SH2D2A: variants seen among roughly 807,000 people sequenced by gnomAD.
SH2D2A encodes SH2 domain-containing protein 2A.
In SH2D2A, 33 loss-of-function variants were observed where a neutral mutation model predicts 43.6. The ratio of observed to expected loss-of-function variants is 0.76; its 90% CI spans 0.57 to 1.01. SH2D2A has a LOEUF of 1.01. Among genes scored for constraint, SH2D2A ranks in the 50% least tolerant of loss-of-function variants. The pLI, the probability that SH2D2A is intolerant of heterozygous loss-of-function variation, is 0.00. For synonymous variants in SH2D2A, 212 were observed against 206.1 expected, an observed-to-expected ratio of 1.03 and a Z score of -0.25; for missense variants, 491 against 503.1, an observed-to-expected ratio of 0.98 and a Z score of 0.23.
Position 156,816,759 on chromosome 1 carries a change from G to C in SH2D2A, c.-51C>G, listed in dbSNP as rs755345756. 73 of 1,529,168 alleles carry C rather than the reference G, an allele frequency of 4.8e-5. No individual in the cohort carries two copies. The highest frequency in any genetic ancestry group is 6.1e-5 in the Non-Finnish European group (69 of 1,135,436). The allele number at this position is 1,529,168 out of a possible 1,614,324, so 94.7% of individuals were successfully genotyped here. A position where few individuals can be genotyped will look rare whatever the true frequency, so the allele number is the denominator to read the frequency against. On this transcript the variant is annotated 5_prime_UTR_variant, in exon 1 of 9. Coordinates refer to ENST00000368199, the MANE Select transcript of SH2D2A (RefSeq NM_003975.4). ...GAGCAGGGTGTGTGTATGTGTTCCG[G>C]AAAGGTGTGCACACTCAGCAACTCA...
chr1:156,814,138 T>C, intron 4 of SH2D2A, 67 bp downstream of exon 4: 1 of 1,595,950 alleles, frequency 6.3e-7, no homozygotes, highest in Non-Finnish European at 8.5e-7. Context: ...CCTCACGGGA[T>C]CAGACCCAAG....
At position 156,809,761 on chromosome 1, in the gene SH2D2A, A is replaced by G; in HGVS notation, c.614T>C (p.Phe205Ser). The G allele has an allele frequency of 6.2e-7, 1 of 1,613,794 alleles. No individual in the cohort carries two copies. The highest frequency in any genetic ancestry group is 8.5e-7 in the Non-Finnish European group (1 of 1,179,966). ...GTTTGGGTCCTGGCTTTTGCTTCCA[A>G]AGTTTGATTCTTCGGTCCTCAGGGA... is the stretch of plus-strand genomic sequence containing the variant. ...GLSLRTEESNFGSKSQDPNPQ... is the reference protein window; with the variant it reads ...GLSLRTEESNSGSKSQDPNPQ... Residue 205 changes from phenylalanine (F) to serine (S), a missense_variant, in exon 6 of 9, where the codon TTT (phenylalanine) becomes TCT (serine). Coordinates refer to ENST00000368199, the MANE Select transcript of SH2D2A (RefSeq NM_003975.4). The surrounding 1 kb of genome is among the most constrained non-coding windows in gnomAD (Gnocchi z 4.8).
intron 2 of SH2D2A, chr1:156,815,694 G>A (rs1244269170): frequency 9.2e-6 from 9 of 982,064 alleles, no homozygotes; most frequent in Admixed American, 1.7e-5. Context: ...GGAATGCACT[G>A]GGCAAATGGT....
rs763226014 is a variant in SH2D2A, at chr1:156,815,807, G to T, written c.123+199C>A. 1.9e-6 allele frequency: 3 copies of T among 1,614,126 alleles called. No homozygotes were observed. In the East Asian group the frequency reaches 6.7e-5, roughly 36 times the overall value. On this transcript the variant is annotated intron_variant, in intron 2 of 8. Transcript: ENST00000368199. ...TTCCAGAGGGCCTAGGAGCAGTAAGGGAGTGAGTGGGCAACTCGGCGCATG... is the reference window on the plus strand; with the variant it reads ...TTCCAGAGGGCCTAGGAGCAGTAAGTGAGTGAGTGGGCAACTCGGCGCATG...
chr1:156,811,771 T>C (rs1034724818), intron 5 of SH2D2A, among the ~76,000 whole-genome samples: 1 of 152,066 alleles, frequency 6.6e-6, no homozygotes, highest in Admixed American at 6.6e-5. Context: ...CTGAGCGCTC[T>C]GCTCTGTTTT....
chr1:156,813,151 G>C (rs114722191), intron 5 of SH2D2A, among the ~76,000 whole-genome samples: 1 of 152,132 alleles, frequency 6.6e-6, no homozygotes. Flanking sequence ...TAAGTACTCC[G>C]TAAGTATCTC....
intron 7 of SH2D2A, among the ~76,000 whole-genome samples, chr1:156,808,908 T>C (rs1219440229): frequency 1.3e-5 from 2 of 152,114 alleles, no homozygotes; most frequent in African/African-American, 4.8e-5. Context: ...CAAAAAAGCC[T>C]CGATGTGGGA....
At chr1:156,812,814 C>T (rs1047147531) in intron 5 of SH2D2A, among the ~76,000 whole-genome samples, 4 of 152,132 alleles carry the variant, frequency 2.6e-5, no homozygotes, top group African/African-American at 9.7e-5. Context: ...TGCTTGTTAT[C>T]CATATTACTC....
intron 4 of SH2D2A, 84 bp downstream of exon 4, chr1:156,814,121 C>A: frequency 3.2e-6 from 5 of 1,563,102 alleles, no homozygotes; most frequent in Non-Finnish European, 4.3e-6. Context: ...GAGCTAAGAG[C>A]CCGGCTCCTC....
At position 156,815,210 on chromosome 1, in the gene SH2D2A, C is replaced by T; in HGVS notation, c.135G>A (p.Gln45=). The change falls in exon 3 of 9, where the codon CAG becomes CAA. Residue 45 remains glutamine (Q), a synonymous_variant. Coordinates refer to ENST00000368199, the MANE Select transcript of SH2D2A (RefSeq NM_003975.4). ...CTGTGTTGGAGGCAGCCTCCGGGGC[C>T]TGGGGAGATGCCTGGATCAGGGAAG... ...QNLGYTAASP[Q]APEAASNTGN... 1 of 1,535,082 alleles carries T rather than the reference C, an allele frequency of 6.5e-7. No individual in the cohort carries two copies. Among genetic ancestry groups the T allele is most frequent in the Non-Finnish European group, 8.8e-7 (1 of 1,138,134 alleles).
Position 156,813,829 on chromosome 1 carries a change from C to A in SH2D2A, c.567+19G>T. Reference sequence around the variant, plus strand: ...GGCCCGAGACCCTGGGCTCTCTGGTCAGGGTCTGGGGCGCGTACCTGTCGG... The same window carrying A: ...GGCCCGAGACCCTGGGCTCTCTGGTAAGGGTCTGGGGCGCGTACCTGTCGG... On this transcript the variant is annotated intron_variant, in intron 5 of 8. Coordinates refer to ENST00000368199, the MANE Select transcript of SH2D2A (RefSeq NM_003975.4). 7.1e-7 allele frequency: 1 copy of A among 1,418,394 alleles called. No individual in the cohort carries two copies. The highest frequency in any genetic ancestry group is 9.2e-7 in the Non-Finnish European group (1 of 1,087,496). 87.9% of individuals were successfully genotyped at this position (1,418,394 alleles called of 1,614,324 possible).
At chr1:156,815,972 C>A (rs1406280167) in intron 2 of SH2D2A, 34 bp downstream of exon 2, 4 of 1,490,652 alleles carry the variant, frequency 2.7e-6, no homozygotes, top group Non-Finnish European at 3.6e-6. Flanking sequence ...GATGAGGGAG[C>A]TGCACCACGC....
At chr1:156,811,028 G>GT (rs1653375467) in intron 5 of SH2D2A, among the ~76,000 whole-genome samples, 1 of 152,158 alleles carries the variant, frequency 6.6e-6, no homozygotes, top group Non-Finnish European at 1.5e-5. Flanking sequence ...CCATCGGGAG[G>GT]TGTACTGCAG....
intron 5 of SH2D2A, among the ~76,000 whole-genome samples, chr1:156,812,297 C>T (rs977983368): frequency 3.3e-5 from 5 of 152,250 alleles, no homozygotes; most frequent in South Asian, 2.1e-4. Context: ...AGTGCCACCT[C>T]GTCTCGCTCA....
rs764209790 is a variant in SH2D2A, at chr1:156,809,306, G to T, written c.899C>A (p.Ala300Asp). The change falls in exon 7 of 9, where the codon GCC (alanine) becomes GAC (aspartate). Residue 300 changes from alanine (A) to aspartate (D), a missense_variant. Coordinates refer to ENST00000368199, the MANE Select transcript of SH2D2A (RefSeq NM_003975.4). This position sits in a 1 kb window ranked among gnomAD's most constrained non-coding sequence, Gnocchi z 4.8. ...YAMGRGSPGEAPSNIYVEVED... is the reference protein window; with the variant it reads ...YAMGRGSPGEDPSNIYVEVED... ...CACTTCCACATAGATGTTGCTGGGG[G>T]CTTCCCCAGGGCTGCCCCGGCCCAT... 2.5e-6 allele frequency: 4 copies of T among 1,614,072 alleles called. No individual in the cohort carries two copies. The African/African-American group carries it at 5.3e-5, about 22-fold the overall frequency.
chr1:156,816,477 C>G (rs1186588650), intron 1 of SH2D2A, among the ~76,000 whole-genome samples, 198 bp downstream of exon 1: 1 of 152,224 alleles, frequency 6.6e-6, no homozygotes, highest in African/African-American at 2.4e-5. Context: ...TCAACAAACC[C>G]TGTCACCTTT....
At chr1:156,806,938 G>T (rs1653008618) in intron 8 of SH2D2A, among the ~76,000 whole-genome samples, 1 of 152,120 alleles carries the variant, frequency 6.6e-6, no homozygotes, top group Non-Finnish European at 1.5e-5. Flanking sequence ...GCTGAGTTCA[G>T]ATATGACCTT....
At chr1:156,814,067 C>T in intron 4 of SH2D2A, 51 bp from the exon 5 acceptor site, 1 of 1,489,052 alleles carries the variant, frequency 6.7e-7, no homozygotes, top group Non-Finnish European at 8.9e-7. Context: ...CGGCCAGGGT[C>T]ACCAGCGAGA....
Position 156,815,175 on chromosome 1 carries a change from TC to T in SH2D2A, c.169del (p.Glu57ArgfsTer70). The part of the protein sequence containing the change: ...PEAASNTGNA[E>X]RAEEVPGEGS... ...TTCTCCAGGCACCTCCTCTGCCCTCTCAGCATTCCCTGTGTTGGAGGCAGCC... is the reference window on the plus strand; with the variant it reads ...TTCTCCAGGCACCTCCTCTGCCCTCTAGCATTCCCTGTGTTGGAGGCAGCC... On this transcript the variant is annotated frameshift_variant, in exon 3 of 9. Transcript: ENST00000368199. LOFTEE classifies it high-confidence loss of function. 6.3e-7 allele frequency: 1 copy of T among 1,599,292 alleles called. No individual in the cohort carries two copies. The highest frequency in any genetic ancestry group is 8.5e-7 in the Non-Finnish European group (1 of 1,172,796).
Sources: allele counts gnomAD v4.1 joint callset (sites outside exome capture counted in the v4.1 genomes callset), GRCh38; gene constraint gnomAD v4.1.1; non-coding constraint Gnocchi (gnomAD v3.1); transcripts MANE v1.5; gene names NCBI Gene and HGNC (gene_info 2026-07-23, HGNC 2026-07-21).